BBS4: variants seen among roughly 807,000 people sequenced by gnomAD.
BBS4 encodes BBSome complex member BBS4.
Under a neutral mutation model 71.4 loss-of-function variants are expected in BBS4, and 58 were observed. That is an observed-to-expected ratio of 0.81 (90% CI 0.66 to 1.01). The LOEUF is 1.01. Ranked by LOEUF, BBS4 falls within the 50% of genes least tolerant of loss-of-function variation. The probability of loss-of-function intolerance (pLI) is 0.00; values close to 1 mark genes in which losing one functional copy is unlikely to be tolerated. For synonymous variants in BBS4, 228 were observed against 216.8 expected, an observed-to-expected ratio of 1.05 and a Z score of -0.46; for missense variants, 660 against 607.9, an observed-to-expected ratio of 1.09 and a Z score of -0.90.
intron 15 of BBS4, 48 bp downstream of exon 15, chr15:72,737,011 T>C (rs200067701): frequency 1.3e-6 from 2 of 1,584,752 alleles, no homozygotes; most frequent in African/African-American, 1.3e-5. Flanking sequence ...ACAAGCCACA[T>C]GTGTCTGTCA....
At chr15:72,707,139 C>T (rs897981420) in intron 2 of BBS4, among the ~76,000 whole-genome samples, 1 of 149,540 alleles carries the variant, frequency 6.7e-6, no homozygotes, top group Non-Finnish European at 1.5e-5. Flanking sequence ...AGTCATTTTC[C>T]TCTCTTCCCC....
chr15:72,715,238 A>G (rs1340877115), intron 4 of BBS4, 53 bp from the exon 5 acceptor site: 4 of 1,406,728 alleles, frequency 2.8e-6, no homozygotes, highest in Middle Eastern at 1.8e-4. Context: ...CCCAGGCTCC[A>G]TTCTTCCCAG....
intron 1 of BBS4, among the ~76,000 whole-genome samples, chr15:72,690,163 A>G (rs796480274): frequency 1.4e-4 from 21 of 152,248 alleles, no homozygotes; most frequent in African/African-American, 5.1e-4. Flanking sequence ...TTGGATAAAT[A>G]TGTCATCCTG....
intron 2 of BBS4, among the ~76,000 whole-genome samples, chr15:72,699,988 G>A (rs1362664321): frequency 6.6e-6 from 1 of 152,154 alleles, no homozygotes; most frequent in African/African-American, 2.4e-5. Context: ...TGCCCAGGCT[G>A]GAGTGCAGTG....
rs565012520 is a variant in BBS4 at position 72,688,718 on chromosome 15, A to T, written c.24+2467A>T. 7.4e-4 allele frequency among the ~76,000 whole-genome samples: 113 copies of T among 152,290 alleles called. 1 individual carries two copies. Among genetic ancestry groups the T allele is most frequent in the African/African-American group, 2.7e-3 (111 of 41,566 alleles). On this transcript the variant is annotated intron_variant, in intron 1 of 15. Transcript: ENST00000268057. Reference sequence around the variant, plus strand: ...GCCCCCTGCCTTATTTTTTAATACAATTAAAAGAACCCAGTAATCCTACTC... The same window carrying T: ...GCCCCCTGCCTTATTTTTTAATACATTTAAAAGAACCCAGTAATCCTACTC...
chr15:72,708,587 C>A (rs960194723), intron 2 of BBS4, among the ~76,000 whole-genome samples: 2 of 152,070 alleles, frequency 1.3e-5, no homozygotes, highest in Non-Finnish European at 2.9e-5. Flanking sequence ...TTTTAGGGAA[C>A]AAGGGAAGAC....
At position 72,738,020 on chromosome 15, in the gene BBS4, TTG is replaced by T. The variant is rs1567437054; in HGVS notation, c.*436_*437del. 2.2e-6 allele frequency: 1 copy of T among 454,248 alleles called. No individual in the cohort carries two copies. The highest frequency in any genetic ancestry group is 4.4e-6 in the Non-Finnish European group (1 of 226,860). 28.1% of individuals were successfully genotyped at this position (454,248 alleles called of 1,614,324 possible). The stretch of plus-strand genomic sequence containing the variant: ...TGGTTTAACTGAGGTGATCCTCAGG[TTG>T]TGAGGTTTATTAGTCCCCAAGGCAA... On this transcript the variant is annotated 3_prime_UTR_variant, in exon 16 of 16. Coordinates refer to ENST00000268057, the MANE Select transcript of BBS4 (RefSeq NM_033028.5).
intron 8 of BBS4, 49 bp downstream of exon 8, chr15:72,724,704 G>GT: frequency 6.8e-6 from 11 of 1,606,978 alleles, no homozygotes; most frequent in Non-Finnish European, 9.4e-6. Context: ...AAAAAATTGA[G>GT]TGGATATGTG....
In BBS4 at chr15:72,737,474, C is replaced by T. The variant is rs770982866; in HGVS notation, c.1451-4C>T. 1.9e-6 allele frequency: 3 copies of T among 1,608,002 alleles called. No individual in the cohort carries two copies. The highest frequency in any genetic ancestry group is 1.7e-4 in the Middle Eastern group (1 of 6,054). ...GAGGATTCAAGTTTTTATTTTGTTA[C>T]TAGGTGCTGGAGGAACATCCCAGTT... On this transcript the variant is annotated splice_polypyrimidine_tract_variant and splice_region_variant and intron_variant, in intron 15 of 15. Transcript: ENST00000268057.
In BBS4 at chr15:72,729,644, AT is replaced by A; in HGVS notation, c.672del (p.Gly226AlafsTer4). 1 of 1,614,052 alleles carries A rather than the reference AT, an allele frequency of 6.2e-7. No homozygotes were observed. The highest frequency in any genetic ancestry group is 8.5e-7 in the Non-Finnish European group (1 of 1,179,994). ...GGCATTTACCAGAAGGCATTTGAAC[AT>A]CTTGGCAATGCACTGACTTATGACC... is the stretch of plus-strand genomic sequence containing the variant. The part of the protein sequence containing the change: ...QLGIYQKAFE[H>X]LGNALTYDPT... On this transcript the variant is annotated frameshift_variant, in exon 10 of 16. Coordinates refer to ENST00000268057, the MANE Select transcript of BBS4 (RefSeq NM_033028.5). LOFTEE classifies it high-confidence loss of function.
Position 72,717,183 on chromosome 15 carries a change from C to G in BBS4, c.405+333C>G, listed in dbSNP as rs2065481582. The G allele has an allele frequency of 2.0e-5, 6 of 295,876 alleles. No individual in the cohort carries two copies. The South Asian group carries it at 2.4e-4, about 12-fold the overall frequency. The allele number at this position is 295,876 out of a possible 1,614,324, so 18.3% of individuals were successfully genotyped here. On this transcript the variant is annotated intron_variant, in intron 6 of 15. Transcript: ENST00000268057. ...ATCTAGTTGTGTTTCATGTCTTTTT[C>G]CCGTCCCCATCTGTGTGACATTCAA... is the stretch of plus-strand genomic sequence containing the variant.
At chr15:72,725,566 T>G (rs796646524) in intron 8 of BBS4, among the ~76,000 whole-genome samples, 4 of 152,236 alleles carry the variant, frequency 2.6e-5, no homozygotes, top group African/African-American at 9.6e-5. Flanking sequence ...TTTTCAGAGA[T>G]ATTATTAGGG....
At chr15:72,711,666 C>A (rs961268763) in intron 3 of BBS4, among the ~76,000 whole-genome samples, 7 of 152,050 alleles carry the variant, frequency 4.6e-5, no homozygotes, top group African/African-American at 1.7e-4. Flanking sequence ...AATAAAAAAA[C>A]CACTGTTAGC....
intron 1 of BBS4, among the ~76,000 whole-genome samples, chr15:72,692,552 A>T (rs960139656): frequency 6.6e-6 from 1 of 151,630 alleles, no homozygotes; most frequent in African/African-American, 2.4e-5. Context: ...AACTCAAGCA[A>T]TCGGCCTGCC....
At chr15:72,698,851 A>G (rs1466892511) in intron 2 of BBS4, among the ~76,000 whole-genome samples, 3 of 152,174 alleles carry the variant, frequency 2.0e-5, no homozygotes, top group Non-Finnish European at 4.4e-5. Flanking sequence ...TCACTTCATT[A>G]ATCTTTTCCT....
At chr15:72,689,849 C>T (rs1488756575) in intron 1 of BBS4, among the ~76,000 whole-genome samples, 12 of 151,474 alleles carry the variant, frequency 7.9e-5, no homozygotes, top group South Asian at 2.1e-4. Flanking sequence ...CTTGCTCTGT[C>T]GCCCAGGCTG....
chr15:72,689,369 C>T (rs1427797484), intron 1 of BBS4, among the ~76,000 whole-genome samples: 2 of 152,174 alleles, frequency 1.3e-5, no homozygotes. Flanking sequence ...TTACGGATTG[C>T]TACCAGTTCC....
At chr15:72,718,264 TATTTC>T (rs1472144637) in intron 6 of BBS4, among the ~76,000 whole-genome samples, 1 of 152,246 alleles carries the variant, frequency 6.6e-6, no homozygotes, top group African/African-American at 2.4e-5. Context: ...CAATATTTTT[TATTTC>T]ATTTCCTTTT....
At chr15:72,704,886 AC>A (rs1312650976) in intron 2 of BBS4, among the ~76,000 whole-genome samples, 1 of 148,582 alleles carries the variant, frequency 6.7e-6, no homozygotes, top group African/African-American at 2.6e-5. Context: ...TCTCAAAAAA[AC>A]AAAACAAAAC....
Sources: allele counts gnomAD v4.1 joint callset (sites outside exome capture counted in the v4.1 genomes callset), GRCh38; gene constraint gnomAD v4.1.1; transcripts MANE v1.5; gene names NCBI Gene and HGNC (gene_info 2026-07-23, HGNC 2026-07-21).